The following LAMP3 variants were observed in gnomAD, a reference collection of about 807,000 sequenced individuals.
LAMP3 encodes the protein lysosome-associated membrane glycoprotein 3.
Under a neutral mutation model 34.8 loss-of-function variants are expected in LAMP3, and 26 were observed. The ratio of observed to expected loss-of-function variants is 0.75; its 90% CI spans 0.55 to 1.04. The LOEUF is 1.04. Ranked by LOEUF, LAMP3 falls within the 50% of genes least tolerant of loss-of-function variation. LAMP3 has a pLI of 0.00. For synonymous variants in LAMP3, 180 were observed against 201.9 expected (o/e 0.89, Z 0.92); for missense variants, 495 against 524.0 (o/e 0.94, Z 0.54).
intron 3 of LAMP3, among the ~76,000 whole-genome samples, chr3:183,142,044 G>A (rs1026110893): frequency 5.3e-5 from 8 of 152,170 alleles, no homozygotes; most frequent in Admixed American, 5.2e-4. Flanking sequence ...GGTTCTTGAA[G>A]GCAAGTTGAA....
chr3:183,140,637 CAT>C (rs1720254284), intron 3 of LAMP3, 42 bp from the exon 4 acceptor site: 1 of 1,207,358 alleles, frequency 8.3e-7, no homozygotes, highest in Non-Finnish European at 1.2e-6. Flanking sequence ...TATCTCTACT[CAT>C]ATGTTTACAA....
At chr3:183,160,900 T>C (rs1261021473) in intron 1 of LAMP3, 1 of 152,164 alleles carries the variant, frequency 6.6e-6, no homozygotes, top group Admixed American at 6.5e-5. Context: ...GTGCCTGGCA[T>C]GCAGAGAGTG....
intron 2 of LAMP3, among the ~76,000 whole-genome samples, chr3:183,152,793 G>A (rs1284045606): frequency 6.6e-6 from 1 of 152,164 alleles, no homozygotes; most frequent in Non-Finnish European, 1.5e-5. Context: ...TGATACTAGA[G>A]GGAAGGGTTT....
intron 3 of LAMP3, among the ~76,000 whole-genome samples, chr3:183,146,856 A>T (rs1720458835): frequency 6.6e-6 from 1 of 151,912 alleles, no homozygotes; most frequent in African/African-American, 2.4e-5. Context: ...TGTTGCCAAC[A>T]TTAAAAAAAG....
At chr3:183,136,665 A>AAAC (rs1553874646) in intron 4 of LAMP3, among the ~76,000 whole-genome samples, 1 of 146,066 alleles carries the variant, frequency 6.8e-6, no homozygotes, top group South Asian at 2.1e-4. Context: ...AAAAAAAAAA[A>AAAC]AAAAACAACT....
At chr3:183,134,358 C>T (rs1443433114) in intron 5 of LAMP3, among the ~76,000 whole-genome samples, 1 of 152,078 alleles carries the variant, frequency 6.6e-6, no homozygotes, top group Non-Finnish European at 1.5e-5. Flanking sequence ...CTTTTCTATG[C>T]ATCCCTGTGA....
chr3:183,127,292 C>T (rs1242133482), intron 5 of LAMP3, among the ~76,000 whole-genome samples: 1 of 152,110 alleles, frequency 6.6e-6, no homozygotes, highest in Non-Finnish European at 1.5e-5. Context: ...TGCCACCCCA[C>T]TCAGCTACTT....
intron 3 of LAMP3, among the ~76,000 whole-genome samples, chr3:183,142,063 T>C (rs1303534897): frequency 6.6e-6 from 1 of 152,192 alleles, no homozygotes; most frequent in African/African-American, 2.4e-5. Flanking sequence ...AACAATGCCT[T>C]TAGACAATCC....
At chr3:183,125,338 A>T (rs910628491) in intron 5 of LAMP3, among the ~76,000 whole-genome samples, 1 of 152,344 alleles carries the variant, frequency 6.6e-6, no homozygotes, top group South Asian at 2.1e-4. Context: ...ATCTGAGAAA[A>T]AAAGTATCAG....
chr3:183,142,097 C>T (rs929844823), intron 3 of LAMP3, among the ~76,000 whole-genome samples: 1 of 152,186 alleles, frequency 6.6e-6, no homozygotes, highest in Non-Finnish European at 1.5e-5. Context: ...AGAAACATCT[C>T]TTTTAAAAAG....
Position 183,124,021 on chromosome 3 carries a change from T to C in LAMP3, c.*60A>G, listed in dbSNP as rs59541519. ...CTCTGAGGGAATTTCCCAACATCCA[T>C]CCTGGAAGGGATGAAAGAGTTCTCT... On this transcript the variant is annotated 3_prime_UTR_variant, in exon 6 of 6. Transcript: ENST00000265598. 3.1e-4 allele frequency: 499 copies of C among 1,595,014 alleles called. 1 individual carries two copies. In the African/African-American group the frequency reaches 6.1e-3, roughly 20 times the overall value.
chr3:183,156,046 G>A (rs1167813876), intron 1 of LAMP3, among the ~76,000 whole-genome samples: 1 of 152,156 alleles, frequency 6.6e-6, no homozygotes, highest in East Asian at 1.9e-4. Flanking sequence ...GGCACATAGG[G>A]ATCCAGAAAA....
Position 183,135,797 on chromosome 3 carries a change from T to C in LAMP3, c.1037A>G (p.Gln346Arg). The C allele has an allele frequency of 1.2e-6, 2 of 1,614,126 alleles. No homozygotes were observed. Among genetic ancestry groups the C allele is most frequent in the Non-Finnish European group, 1.7e-6 (2 of 1,179,940 alleles). The part of the protein sequence containing the change: ...SFKCVSEQSL[Q>R]LSAHLQVKTT... ...TTTCACCTGCAGGTGGGCTGACAAC[T>C]GGAGGCTCTGTTCACTCACGCACTT... The change falls in exon 5 of 6, where the codon CAG (glutamine) becomes CGG (arginine). Residue 346 changes from glutamine to arginine, a missense_variant. Physicochemically the swap from Gln to Arg is conservative, Grantham distance 43 (BLOSUM62 1). Coordinates refer to ENST00000265598, the MANE Select transcript of LAMP3 (RefSeq NM_014398.4).
chr3:183,141,973 A>G (rs1009984933), intron 3 of LAMP3, among the ~76,000 whole-genome samples: 1 of 152,160 alleles, frequency 6.6e-6, no homozygotes. Context: ...ACTCCATGCC[A>G]GGGATTGTTC....
chr3:183,161,767 G>A (rs1720981746), intron 1 of LAMP3, among the ~76,000 whole-genome samples: 1 of 152,128 alleles, frequency 6.6e-6, no homozygotes. Flanking sequence ...GTTACCGCTA[G>A]GCTGAGATTG....
At chr3:183,132,393 T>C in intron 5 of LAMP3, 3 of 972,502 alleles carry the variant, frequency 3.1e-6, no homozygotes, top group Non-Finnish European at 3.7e-6. Context: ...ATGCATTGGT[T>C]TTTTTAAAGT....
chr3:183,135,641 G>A (rs1450604823), intron 5 of LAMP3, 76 bp downstream of exon 5: 31 of 1,343,052 alleles, frequency 2.3e-5, no homozygotes, highest in Non-Finnish European at 2.8e-5. Context: ...TTCGACAGCT[G>A]CAGACAGAAA....
At chr3:183,125,118 C>T (rs769753164) in intron 5 of LAMP3, among the ~76,000 whole-genome samples, 1 of 152,142 alleles carries the variant, frequency 6.6e-6, no homozygotes, top group Non-Finnish European at 1.5e-5. Context: ...TAATAAATCT[C>T]AACCGAGGAA....
Position 183,152,474 on chromosome 3 carries a change from G to C in LAMP3, c.789C>G (p.Ile263Met). ...SVFSPRRYFNIDPNATQASGN... is the reference protein window; with the variant it reads ...SVFSPRRYFNMDPNATQASGN... ...CAGAGGCTTGCGTTGCGTTGGGGTC[G>C]ATGTTGAAGTATCTCCGAGGTGAAA... The change falls in exon 3 of 6, where the codon ATC (isoleucine) becomes ATG (methionine). Residue 263 changes from isoleucine (I) to methionine (M), a missense_variant. Physicochemically the swap from Ile to Met is conservative, Grantham distance 10 (BLOSUM62 1). Coordinates refer to ENST00000265598, the MANE Select transcript of LAMP3 (RefSeq NM_014398.4). The C allele has an allele frequency of 1.2e-6, 2 of 1,612,000 alleles. No individual in the cohort carries two copies. Among genetic ancestry groups the C allele is most frequent in the Non-Finnish European group, 1.7e-6 (2 of 1,179,178 alleles).
Sources: gnomAD v4.1 joint callset for allele counts (sites outside exome capture counted in the v4.1 genomes callset) on GRCh38, gnomAD v4.1.1 for gene constraint, MANE v1.5 for transcripts, NCBI Gene and HGNC (gene_info 2026-07-23, HGNC 2026-07-21) for gene names.